SLC13A1: variants seen among roughly 807,000 people sequenced by gnomAD.
The protein encoded by SLC13A1 is solute carrier family 13 member 1.
In SLC13A1, 65 loss-of-function variants were observed where a neutral mutation model predicts 70.0. The ratio of observed to expected loss-of-function variants is 0.93; its 90% CI spans 0.76 to 1.14. The LOEUF (loss-of-function observed/expected upper bound fraction) is 1.14, where lower values mean the gene tolerates loss of function less well. Among genes scored for constraint, SLC13A1 ranks in the 50% most tolerant of loss-of-function variants. SLC13A1 has a pLI of 0.00. For synonymous variants in SLC13A1, 275 were observed against 250.5 expected (o/e 1.10, Z -0.92); for missense variants, 726 against 717.8 (o/e 1.01, Z -0.13).
intron 6 of SLC13A1, among the ~76,000 whole-genome samples, chr7:123,161,238 CTT>C (rs1026369474): frequency 4.7e-5 from 7 of 149,788 alleles, no homozygotes; most frequent in African/African-American, 1.5e-4. Context: ...TTAAAAAAGA[CTT>C]AAATAAAATA....
intron 7 of SLC13A1, among the ~76,000 whole-genome samples, chr7:123,142,679 G>A (rs769778212): frequency 2.0e-4 from 13 of 65,122 alleles, no homozygotes; most frequent in South Asian, 4.5e-4. Flanking sequence ...GTGCAGTAGC[G>A]CGATCTTGGC....
intron 6 of SLC13A1, among the ~76,000 whole-genome samples, chr7:123,163,301 G>T (rs1041338107): frequency 2.0e-5 from 3 of 152,054 alleles, no homozygotes; most frequent in African/African-American, 7.2e-5. Context: ...CTACTTTTAG[G>T]GGGTAATGTG....
intron 10 of SLC13A1, among the ~76,000 whole-genome samples, chr7:123,128,469 GTC>G (rs1793639435): frequency 6.6e-6 from 1 of 151,848 alleles, no homozygotes; most frequent in Non-Finnish European, 1.5e-5. Context: ...AAGGGGATGA[GTC>G]AGGAAAGGAA....
intron 6 of SLC13A1, among the ~76,000 whole-genome samples, chr7:123,147,987 T>C (rs1794422039): frequency 6.6e-6 from 1 of 152,112 alleles, no homozygotes; most frequent in African/African-American, 2.4e-5. Flanking sequence ...TCTACACACC[T>C]TAATGGATGG....
intron 1 of SLC13A1, among the ~76,000 whole-genome samples, chr7:123,185,746 A>T (rs570822499): frequency 1.4e-4 from 21 of 152,162 alleles, no homozygotes; most frequent in African/African-American, 4.3e-4. Context: ...TTTGTTCAAG[A>T]TTGCTCTAAC....
rs769861948 is a variant in SLC13A1, at chr7:123,168,416, A to C, written c.618T>G (p.Asn206Lys). The change falls in exon 6 of 15, where the codon AAT becomes AAG. Residue 206 changes from asparagine (N) to lysine (K), a missense_variant. Transcript: ENST00000194130. ...TGCTTGAAATTTTCCCTGTATCATT[A>C]TTGTATCTGAAAAATACATTGATCC... ...KEKTKPVPGY[N>K]NDTGKISSKV... 1 of 1,594,898 alleles carries C rather than the reference A, an allele frequency of 6.3e-7. No homozygotes were observed. The highest frequency in any genetic ancestry group is 8.6e-7 in the Non-Finnish European group (1 of 1,166,508).
chr7:123,155,167 A>T (rs1276108718), intron 6 of SLC13A1, among the ~76,000 whole-genome samples: 1 of 151,990 alleles, frequency 6.6e-6, no homozygotes, highest in Non-Finnish European at 1.5e-5. Flanking sequence ...TGAGTCCTTT[A>T]ATCATAAAAC....
chr7:123,117,692 C>A, intron 13 of SLC13A1, 84 bp from the exon 14 acceptor site: 1 of 782,522 alleles, frequency 1.3e-6, no homozygotes. Context: ...TTACAATAAG[C>A]CTTCCCAGAA....
intron 6 of SLC13A1, among the ~76,000 whole-genome samples, chr7:123,155,634 G>A (rs954788917): frequency 6.6e-6 from 1 of 152,052 alleles, no homozygotes; most frequent in Non-Finnish European, 1.5e-5. Flanking sequence ...GAATATTTGT[G>A]TAGAAGCTCT....
intron 1 of SLC13A1, among the ~76,000 whole-genome samples, chr7:123,195,545 A>G (rs1415008193): frequency 6.6e-6 from 1 of 151,704 alleles, no homozygotes; most frequent in Non-Finnish European, 1.5e-5. Context: ...TCACTTTTTA[A>G]AGTTTATATT....
intron 6 of SLC13A1, among the ~76,000 whole-genome samples, chr7:123,166,537 G>A (rs12538571): frequency 0.014 from 2,088 of 151,846 alleles, 20 homozygotes; most frequent in Non-Finnish European, 0.018. Context: ...AATGCTATCC[G>A]TCCCCCCTTC....
intron 7 of SLC13A1, among the ~76,000 whole-genome samples, chr7:123,146,263 G>T (rs994443714): frequency 6.6e-6 from 1 of 152,172 alleles, no homozygotes; most frequent in African/African-American, 2.4e-5. Context: ...AGGGGCTCAT[G>T]CCTATAATCC....
intron 7 of SLC13A1, among the ~76,000 whole-genome samples, chr7:123,136,849 G>C (rs1399358922): frequency 6.6e-6 from 1 of 152,148 alleles, no homozygotes; most frequent in Non-Finnish European, 1.5e-5. Flanking sequence ...TAGCAAGAAG[G>C]AGCCAGTCAT....
At chr7:123,194,333 A>C (rs929385683) in intron 1 of SLC13A1, among the ~76,000 whole-genome samples, 7 of 152,122 alleles carry the variant, frequency 4.6e-5, no homozygotes, top group African/African-American at 1.7e-4. Context: ...AATCACAGGC[A>C]TTCTAGAAAC....
In SLC13A1 at chr7:123,182,507, T is replaced by C. The variant is rs1795671254; in HGVS notation, c.100-1406A>G. On this transcript the variant is annotated intron_variant, in intron 1 of 14. Transcript: ENST00000194130. The stretch of plus-strand genomic sequence containing the variant: ...TCCACTGCAGGCAAGACTATTCCAA[T>C]ATCAGGTCACTTTCCAAGAATCCAT... Among the ~76,000 whole-genome samples the C allele has an allele frequency of 1.3e-5, 2 of 152,108 alleles. 1 individual carries two copies. Among genetic ancestry groups the C allele is most frequent in the South Asian group, 4.1e-4 (2 of 4,828 alleles).
chr7:123,166,398 T>A (rs1218306840), intron 6 of SLC13A1, among the ~76,000 whole-genome samples: 1 of 20,256 alleles, frequency 4.9e-5, no homozygotes, highest in Non-Finnish European at 1.5e-4. Context: ...CATTTCTTTA[T>A]TTTTTTTTAT....
At chr7:123,129,522 A>T in intron 8 of SLC13A1, 41 bp from the exon 9 acceptor site, 1 of 1,413,228 alleles carries the variant, frequency 7.1e-7, no homozygotes, top group Non-Finnish European at 1.0e-6. Flanking sequence ...AAATTCTTTT[A>T]CTACCACCTC....
chr7:123,149,643 T>C (rs908055631), intron 6 of SLC13A1: 5 of 456,222 alleles, frequency 1.1e-5, no homozygotes, highest in East Asian at 1.4e-4. Context: ...AATGCAAAAA[T>C]ACCTAAGTGT....
intron 1 of SLC13A1, 25 bp from the exon 2 acceptor site, chr7:123,181,126 A>G: frequency 6.2e-7 from 1 of 1,606,462 alleles, no homozygotes; most frequent in Non-Finnish European, 8.5e-7. Flanking sequence ...TGCAAAGCAA[A>G]AGGTGATATT....
Sources: gnomAD v4.1 joint callset for allele counts (sites outside exome capture counted in the v4.1 genomes callset) on GRCh38, gnomAD v4.1.1 for gene constraint, MANE v1.5 for transcripts, NCBI Gene and HGNC (gene_info 2026-07-23, HGNC 2026-07-21) for gene names.